CCDC170: variants seen among roughly 807,000 people sequenced by gnomAD.
CCDC170 encodes coiled-coil domain containing 170, also known as coiled-coil domain-containing protein 170.
CCDC170 carries 69 observed loss-of-function variants against 72.6 expected under a neutral mutation model. The ratio of observed to expected loss-of-function variants is 0.95; its 90% CI spans 0.78 to 1.16. CCDC170 has a LOEUF of 1.16. Among genes scored for constraint, CCDC170 ranks in the 50% most tolerant of loss-of-function variants. The pLI is 0.00. For missense variants in CCDC170, 852 were observed against 832.5 expected, an observed-to-expected ratio of 1.02 and a Z score of -0.29; for synonymous variants, 300 against 303.9, an observed-to-expected ratio of 0.99 and a Z score of 0.13.
Position 151,494,197 on chromosome 6 carries a change from G to T in CCDC170, c.57+12G>T. On this transcript the variant is annotated intron_variant, in intron 1 of 10. Coordinates refer to ENST00000239374, the MANE Select transcript of CCDC170 (RefSeq NM_025059.4). ...CGCCAGCGCCCGAGGTACGGTCCCA[G>T]CCGCCGGCCGCGCGCGGGGGTGGCC... is the stretch of plus-strand genomic sequence containing the variant. The T allele has an allele frequency of 6.7e-7, 1 of 1,501,464 alleles. No homozygotes were observed. The allele number at this position is 1,501,464 out of a possible 1,614,324, so 93.0% of individuals were successfully genotyped here. A position where few individuals can be genotyped will look rare whatever the true frequency, so the allele number is the denominator to read the frequency against.
chr6:151,553,491 G>A (rs1782919281), intron 5 of CCDC170, among the ~76,000 whole-genome samples: 1 of 152,070 alleles, frequency 6.6e-6, no homozygotes, highest in African/African-American at 2.4e-5. Context: ...AGGGGGAGAG[G>A]AGGGGTTAAA....
chr6:151,538,282 G>C lies in CCDC170; in HGVS notation c.424G>C (p.Glu142Gln). 6.2e-7 allele frequency: 1 copy of C among 1,613,198 alleles called. No homozygotes were observed. The highest frequency in any genetic ancestry group is 1.1e-5 in the South Asian group (1 of 91,030). ...ENQELKKKVV[E>Q]LNEKLQKCSK... ...CCAGGAATTAAAGAAGAAAGTTGTA[G>C]AGTTAAATGAAAAATTACAGTAAGG... The change falls in exon 3 of 11, where the codon GAG (glutamate) becomes CAG (glutamine). Residue 142 changes from glutamate to glutamine, a missense_variant. Transcript: ENST00000239374.
chr6:151,523,927 C>G (rs1782363163), intron 1 of CCDC170, among the ~76,000 whole-genome samples: 1 of 152,024 alleles, frequency 6.6e-6, no homozygotes, highest in Non-Finnish European at 1.5e-5. Flanking sequence ...GTCTCAGGAC[C>G]AAGAGAATTA....
intron 9 of CCDC170, among the ~76,000 whole-genome samples, chr6:151,608,000 T>C (rs578180522): frequency 1.3e-5 from 2 of 152,290 alleles, no homozygotes; most frequent in South Asian, 4.2e-4. Flanking sequence ...ATGGTGTACC[T>C]ATGCCACATA....
intron 6 of CCDC170, among the ~76,000 whole-genome samples, chr6:151,583,737 C>T (rs1400069447): frequency 6.6e-6 from 1 of 152,220 alleles, no homozygotes; most frequent in African/African-American, 2.4e-5. Context: ...GGATTACAGG[C>T]GTGAGCCACT....
At position 151,533,104 on chromosome 6, in the gene CCDC170, A is replaced by G. The variant is rs147580814; in HGVS notation, c.58-3214A>G. Among the ~76,000 whole-genome samples, 1,242 of 140,188 alleles carry G rather than the reference A, an allele frequency of 8.9e-3. 23 individuals carry two copies. Among genetic ancestry groups the G allele is most frequent in the African/African-American group, 0.032 (1,158 of 36,724 alleles). The allele number at this position is 140,188 out of a possible 152,430, so 92.0% of individuals were successfully genotyped here. On this transcript the variant is annotated intron_variant, in intron 1 of 10. Coordinates refer to ENST00000239374, the MANE Select transcript of CCDC170 (RefSeq NM_025059.4). ...AGTCTCGCTCTGTCACCCAGGTTGG[A>G]GTGCAGTGGCACGGTCTCGGCTTAC... is the stretch of plus-strand genomic sequence containing the variant.
chr6:151,540,633 T>C, intron 3 of CCDC170, among the ~76,000 whole-genome samples: 1 of 151,902 alleles, frequency 6.6e-6, no homozygotes, highest in African/African-American at 2.4e-5. Context: ...GTGATCTGTC[T>C]GCCTCAGCCT....
chr6:151,521,985 CAAAA>C (rs34730093), intron 1 of CCDC170, among the ~76,000 whole-genome samples: 977 of 78,268 alleles, frequency 0.012, 13 homozygotes, highest in African/African-American at 0.041. Context: ...GACTCTGTCT[CAAAA>C]AAAAAAAAAA....
intron 1 of CCDC170, among the ~76,000 whole-genome samples, chr6:151,521,329 A>T (rs971480878): frequency 1.3e-5 from 2 of 152,230 alleles, no homozygotes; most frequent in Non-Finnish European, 2.9e-5. Context: ...ATAAGTAATG[A>T]GAGTTGCTAA....
At chr6:151,566,940 G>C (rs2115080703) in intron 5 of CCDC170, among the ~76,000 whole-genome samples, 1 of 152,034 alleles carries the variant, frequency 6.6e-6, no homozygotes, top group East Asian at 1.9e-4. Context: ...TTTTTTTTGA[G>C]ACTGAGTTTC....
chr6:151,547,588 A>G (rs1333764802), intron 4 of CCDC170, among the ~76,000 whole-genome samples: 1 of 152,082 alleles, frequency 6.6e-6, no homozygotes, highest in Non-Finnish European at 1.5e-5. Context: ...GCTCAAAGGT[A>G]TATCACTTCC....
At chr6:151,584,603 T>G (rs1337833051) in intron 6 of CCDC170, among the ~76,000 whole-genome samples, 1 of 152,204 alleles carries the variant, frequency 6.6e-6, no homozygotes, top group African/African-American at 2.4e-5. Flanking sequence ...AGGGGATTGT[T>G]TTTTGCCTGT....
intron 5 of CCDC170, among the ~76,000 whole-genome samples, chr6:151,559,268 T>A (rs1783038660): frequency 6.6e-6 from 1 of 152,108 alleles, no homozygotes; most frequent in East Asian, 1.9e-4. Flanking sequence ...TGCCCTGACC[T>A]CCCAAAGTGC....
rs551424251 is a variant in CCDC170, at chr6:151,517,225, G to A, written c.58-19093G>A. On this transcript the variant is annotated intron_variant, in intron 1 of 10. Transcript: ENST00000239374. Reference sequence around the variant, plus strand: ...CACATGCCTATAATCCCATCTACTCGGGAGGCTGAGGCAGGAGAATTGCTT... The same window carrying A: ...CACATGCCTATAATCCCATCTACTCAGGAGGCTGAGGCAGGAGAATTGCTT... 1.1e-4 allele frequency among the ~76,000 whole-genome samples: 16 copies of A among 152,096 alleles called. No individual in the cohort carries two copies. The South Asian group carries it at 1.5e-3, about 14-fold the overall frequency.
At chr6:151,571,553 C>A (rs1776219241) in intron 5 of CCDC170, among the ~76,000 whole-genome samples, 1 of 152,128 alleles carries the variant, frequency 6.6e-6, no homozygotes, top group African/African-American at 2.4e-5. Flanking sequence ...CATGGAGAAA[C>A]CCTGTCTCTA....
chr6:151,550,805 C>T (rs1230103616), intron 5 of CCDC170, among the ~76,000 whole-genome samples: 1 of 152,124 alleles, frequency 6.6e-6, no homozygotes, highest in African/African-American at 2.4e-5. Context: ...AAGCTAAGTG[C>T]TATGATGTCT....
chr6:151,538,346 T>C (rs759479056), intron 3 of CCDC170, 45 bp downstream of exon 3: 10 of 1,541,060 alleles, frequency 6.5e-6, no homozygotes, highest in Non-Finnish European at 8.9e-6. Context: ...AGCATTAAAA[T>C]ACTAGCTTCT....
chr6:151,593,189 A>T lies in CCDC170; in HGVS notation c.1376A>T (p.Asp459Val), dbSNP rs750171362. The stretch of plus-strand genomic sequence containing the variant: ...GAACTTGGCTTTGACATGCGGCTGG[A>T]CGTGGTTTTAGCTCGAACAGAGCAG... The part of the protein sequence containing the change: ...AAELGFDMRL[D>V]VVLARTEQLV... The change falls in exon 8 of 11, where the codon GAC (aspartate) becomes GTC (valine). Residue 459 changes from aspartate (D) to valine (V), a missense_variant. Asp to Val is a radical substitution (Grantham distance 152). Coordinates refer to ENST00000239374, the MANE Select transcript of CCDC170 (RefSeq NM_025059.4). 1 of 1,614,164 alleles carries T rather than the reference A, an allele frequency of 6.2e-7. No homozygotes were observed. The highest frequency in any genetic ancestry group is 2.2e-5 in the East Asian group (1 of 44,860).
intron 1 of CCDC170, among the ~76,000 whole-genome samples, chr6:151,533,041 T>G (rs1200853441): frequency 1.4e-5 from 2 of 147,638 alleles, no homozygotes; most frequent in Non-Finnish European, 1.5e-5. Context: ...CAATACCTCT[T>G]GACTATTTCT....
Sources: allele counts gnomAD v4.1 joint callset (sites outside exome capture counted in the v4.1 genomes callset), GRCh38; gene constraint gnomAD v4.1.1; transcripts MANE v1.5; gene names NCBI Gene and HGNC (gene_info 2026-07-23, HGNC 2026-07-21).